ATP2B2: variants seen among roughly 807,000 people sequenced by gnomAD.
The protein encoded by ATP2B2 is ATPase plasma membrane Ca2+ transporting 2.
ATP2B2 carries 15 observed loss-of-function variants against 120.0 expected under a neutral mutation model. The ratio of observed to expected loss-of-function variants is 0.12; its 90% CI spans 0.08 to 0.19. ATP2B2 has a LOEUF of 0.19. ATP2B2 is among the 10% of genes least tolerant of loss of function. ATP2B2 has a pLI of 1.00. For synonymous variants in ATP2B2, 694 were observed against 700.3 expected, an observed-to-expected ratio of 0.99 and a Z score of 0.14; for missense variants, 1,045 against 1,719.8, an observed-to-expected ratio of 0.61 and a Z score of 6.94.
In ATP2B2 at chr3:10,501,784, A is replaced by G. The variant is rs140804342; in HGVS notation, c.-320+3681T>C. Among the ~76,000 whole-genome samples, 462 of 152,276 alleles carry G rather than the reference A, an allele frequency of 3.0e-3. 4 individuals are homozygous for G. The highest frequency in any genetic ancestry group is 5.0e-3 in the Non-Finnish European group (342 of 68,024). On this transcript the variant is annotated intron_variant, in intron 1 of 22. Coordinates refer to ENST00000360273, the MANE Select transcript of ATP2B2 (RefSeq NM_001001331.4). Reference sequence around the variant, plus strand: ...AGACCTCAGTTTCCCCACGTGTGACAGGTACAGGCAGAACAGCATGGTGTC... The same window carrying G: ...AGACCTCAGTTTCCCCACGTGTGACGGGTACAGGCAGAACAGCATGGTGTC...
chr3:10,493,543 G>C (rs955710609), intron 1 of ATP2B2, among the ~76,000 whole-genome samples: 1 of 152,086 alleles, frequency 6.6e-6, no homozygotes, highest in African/African-American at 2.4e-5. Flanking sequence ...ATCAAGGGGA[G>C]GACTGTGGAG....
Position 10,379,301 on chromosome 3 carries a change from T to C in ATP2B2, c.1001-17A>G. 6.2e-7 allele frequency: 1 copy of C among 1,613,716 alleles called. No individual in the cohort carries two copies. Among genetic ancestry groups the C allele is most frequent in the Non-Finnish European group, 8.5e-7 (1 of 1,179,638 alleles). On this transcript the variant is annotated splice_polypyrimidine_tract_variant and intron_variant, in intron 8 of 22. Transcript: ENST00000360273. ...GCATTTTACCTACACGACAAAGAAT[T>C]TTAACAGACAACAGAGAACAGACAA... is the stretch of plus-strand genomic sequence containing the variant.
chr3:10,699,758 A>G (rs942477898), intron 1 of ATP2B2, among the ~76,000 whole-genome samples: 2 of 152,118 alleles, frequency 1.3e-5, no homozygotes, highest in Non-Finnish European at 2.9e-5. Flanking sequence ...TAATGTTTTT[A>G]TCTCCAGAGT....
intron 3 of ATP2B2, among the ~76,000 whole-genome samples, chr3:10,530,035 C>T (rs984990746): frequency 7.2e-5 from 11 of 152,162 alleles, no homozygotes; most frequent in African/African-American, 1.9e-4. Context: ...GTCTCCAGAA[C>T]GTGAGACAAC....
intron 4 of ATP2B2, among the ~76,000 whole-genome samples, chr3:10,401,822 T>C (rs2062230510): frequency 6.6e-6 from 1 of 152,202 alleles, no homozygotes; most frequent in African/African-American, 2.4e-5. Flanking sequence ...CTGTGACTGA[T>C]TAGTAATGTC....
rs1325528902 is a variant in ATP2B2, at chr3:10,609,268, T to C, written c.-415+10649A>G. 2.7e-5 allele frequency among the ~76,000 whole-genome samples: 4 copies of C among 148,852 alleles called. No homozygotes were observed. The Admixed American group carries it at 2.7e-4, about 10-fold the overall frequency. ...TGCCCTGGGCTCTGGGACTCTGGGC[T>C]GAGGGTCTGGAGGGCAGGGAGCTGT... is the stretch of plus-strand genomic sequence containing the variant. On this transcript the variant is annotated intron_variant, in intron 2 of 21. Transcript: ENST00000646379.
intron 1 of ATP2B2, among the ~76,000 whole-genome samples, chr3:10,459,923 A>G (rs1469743512): frequency 2.0e-5 from 3 of 152,216 alleles, no homozygotes; most frequent in African/African-American, 7.2e-5. Context: ...TCTTAACAGC[A>G]ACCTAGGCTC....
At chr3:10,586,898 C>T (rs1015560275) in intron 2 of ATP2B2, among the ~76,000 whole-genome samples, 1 of 152,204 alleles carries the variant, frequency 6.6e-6, no homozygotes, top group Admixed American at 6.5e-5. Flanking sequence ...TCACATGGCA[C>T]CTCCTCAGTG....
chr3:10,466,236 T>C (rs2064736191), intron 1 of ATP2B2, among the ~76,000 whole-genome samples: 1 of 152,256 alleles, frequency 6.6e-6, no homozygotes, highest in Admixed American at 6.5e-5. Flanking sequence ...GTATATTTAC[T>C]GAGTGTTTTA....
chr3:10,669,684 A>C (rs1471866391), intron 1 of ATP2B2, among the ~76,000 whole-genome samples: 1 of 152,140 alleles, frequency 6.6e-6, no homozygotes, highest in Non-Finnish European at 1.5e-5. Flanking sequence ...TCCCTCAGGG[A>C]CTGTGCCCAG....
intron 2 of ATP2B2, among the ~76,000 whole-genome samples, chr3:10,567,572 AGAT>A (rs1352177062): frequency 2.0e-5 from 3 of 152,182 alleles, no homozygotes; most frequent in Admixed American, 6.5e-5. Flanking sequence ...TGAAAAATAG[AGAT>A]GATGACAGGG....
At chr3:10,429,278 C>A (rs140553779) in intron 2 of ATP2B2, among the ~76,000 whole-genome samples, 6 of 152,312 alleles carry the variant, frequency 3.9e-5, no homozygotes, top group African/African-American at 1.4e-4. Context: ...TACAGGCACA[C>A]CTACTTTATT....
chr3:10,544,397 G>A (rs2067501287), intron 2 of ATP2B2, among the ~76,000 whole-genome samples: 1 of 152,170 alleles, frequency 6.6e-6, no homozygotes, highest in South Asian at 2.1e-4. Flanking sequence ...TCATCAAACA[G>A]AGTTTAACAA....
At position 10,378,244 on chromosome 3, in the gene ATP2B2, G is replaced by T. The variant is rs1385304023; in HGVS notation, c.1201+8C>A. On this transcript the variant is annotated splice_region_variant and intron_variant, in intron 10 of 22. Transcript: ENST00000360273. Reference sequence around the variant, plus strand: ...CCCTGTCCCCTGCCTCCCACCTGCTGCACTCACCCGCCTTCCCGATCTGCA... The same window carrying T: ...CCCTGTCCCCTGCCTCCCACCTGCTTCACTCACCCGCCTTCCCGATCTGCA... 1 of 1,604,820 alleles carries T rather than the reference G, an allele frequency of 6.2e-7. No individual in the cohort carries two copies. Among genetic ancestry groups the T allele is most frequent in the Non-Finnish European group, 8.5e-7 (1 of 1,179,848 alleles).
intron 1 of ATP2B2, among the ~76,000 whole-genome samples, chr3:10,644,741 G>A (rs1034883987): frequency 2.0e-5 from 3 of 152,164 alleles, no homozygotes; most frequent in Non-Finnish European, 4.4e-5. Flanking sequence ...GGAGCTGGAG[G>A]GAGAAGACAT....
At chr3:10,707,896 C>T (rs2071922999) in intron 1 of ATP2B2, 1 of 152,384 alleles carries the variant, frequency 6.6e-6, no homozygotes, top group African/African-American at 2.4e-5. Context: ...GAGCCCGGGC[C>T]CGGCCGCCCC....
chr3:10,616,971 C>T (rs1575561874), intron 2 of ATP2B2, among the ~76,000 whole-genome samples: 2 of 152,204 alleles, frequency 1.3e-5, no homozygotes, highest in East Asian at 3.8e-4. Flanking sequence ...TCACTTAATA[C>T]TGAAATGTGA....
At chr3:10,487,945 T>A (rs1321608307) in intron 1 of ATP2B2, among the ~76,000 whole-genome samples, 2 of 152,160 alleles carry the variant, frequency 1.3e-5, no homozygotes, top group Non-Finnish European at 2.9e-5. Flanking sequence ...TTCTACCCAT[T>A]CATCCATTCA....
At chr3:10,527,839 A>G (rs75587072) in intron 3 of ATP2B2, among the ~76,000 whole-genome samples, 174 of 152,244 alleles carry the variant, frequency 1.1e-3, no homozygotes, top group African/African-American at 3.9e-3. Flanking sequence ...TCCAGCACCT[A>G]CAGTCACTGC....
Sources: allele counts gnomAD v4.1 joint callset (sites outside exome capture counted in the v4.1 genomes callset), GRCh38; gene constraint gnomAD v4.1.1; transcripts MANE v1.5; gene names NCBI Gene and HGNC (gene_info 2026-07-23, HGNC 2026-07-21).